The following BLTP3A variants were observed in gnomAD, a reference collection of about 807,000 sequenced individuals.
The protein encoded by BLTP3A is ICBP90 binding protein 1.
chr6:34,854,031 G>A, the BLTP3A span, among the ~76,000 whole-genome samples: 7 of 152,146 alleles, frequency 4.6e-5, no homozygotes, highest in Middle Eastern at 0.01. Context: ...AGACTAGCCC[G>A]ACCAACATGG....
chr6:34,843,971 ATTTTGT>A, the BLTP3A span, among the ~76,000 whole-genome samples: 6 of 151,716 alleles, frequency 4.0e-5, no homozygotes, highest in African/African-American at 4.8e-5. Context: ...TTGTAGTTTT[ATTTTGT>A]TTTTGTTTTT....
the BLTP3A span, chr6:34,835,345 CT>C: frequency 6.2e-7 from 1 of 1,614,176 alleles, no homozygotes; most frequent in Admixed American, 1.7e-5. Context: ...GTTGGATGAC[CT>C]GCTCTGGGTG....
the BLTP3A span, among the ~76,000 whole-genome samples, chr6:34,800,096 G>T: frequency 6.6e-6 from 1 of 151,842 alleles, no homozygotes; most frequent in East Asian, 1.9e-4. Context: ...TCATATCAAG[G>T]CATACCTCAA....
the BLTP3A span, among the ~76,000 whole-genome samples, chr6:34,825,371 G>T: frequency 5.3e-5 from 8 of 151,510 alleles, no homozygotes; most frequent in African/African-American, 1.9e-4. Context: ...GCAATGGCAT[G>T]ATCTCCGTTC....
chr6:34,800,820 C>T, the BLTP3A span, among the ~76,000 whole-genome samples: 32 of 139,896 alleles, frequency 2.3e-4, 1 homozygote, highest in East Asian at 4.1e-3. Flanking sequence ...CTCCGCCTCC[C>T]AGGTGCAAGC....
At chr6:34,845,987 A>G in the BLTP3A span, among the ~76,000 whole-genome samples, 1 of 151,076 alleles carries the variant, frequency 6.6e-6, no homozygotes, top group African/African-American at 2.4e-5. Context: ...TTGAATCTGT[A>G]GGTTGCTGGG....
At chr6:34,849,732 T>C in the BLTP3A span, among the ~76,000 whole-genome samples, 1 of 152,342 alleles carries the variant, frequency 6.6e-6, no homozygotes, top group African/African-American at 2.4e-5. Flanking sequence ...AAGAACTCCC[T>C]TTAGCATTTC....
the BLTP3A span, among the ~76,000 whole-genome samples, chr6:34,792,725 G>C: frequency 6.6e-6 from 1 of 152,084 alleles, no homozygotes; most frequent in Non-Finnish European, 1.5e-5. Flanking sequence ...TCTGGCCTTC[G>C]GGCCCCTGCC....
chr6:34,867,569 A>G, the BLTP3A span: 4 of 1,613,762 alleles, frequency 2.5e-6, no homozygotes, highest in Admixed American at 1.7e-5. Context: ...ACCCTCCAGC[A>G]GCTGGGCACC....
At chr6:34,807,672 T>A in the BLTP3A span, among the ~76,000 whole-genome samples, 1 of 152,226 alleles carries the variant, frequency 6.6e-6, no homozygotes, top group Non-Finnish European at 1.5e-5. Flanking sequence ...GGGAAATGTA[T>A]GCAGTGAGTT....
the BLTP3A span, among the ~76,000 whole-genome samples, chr6:34,869,174 G>A: frequency 2.6e-5 from 4 of 151,858 alleles, no homozygotes; most frequent in Non-Finnish European, 5.9e-5. Flanking sequence ...GCTTATTTTT[G>A]TATTTTTAGT....
the BLTP3A span, among the ~76,000 whole-genome samples, chr6:34,799,235 C>T: frequency 6.6e-6 from 1 of 152,308 alleles, no homozygotes; most frequent in Admixed American, 6.5e-5. Flanking sequence ...AGCCACCATA[C>T]CTGGCCTAGG....
chr6:34,792,129 C>CGGCGGCGGCGGCGGCGGT, the BLTP3A span: 1 of 796,506 alleles, frequency 1.3e-6, no homozygotes, highest in Non-Finnish European at 1.8e-6. Flanking sequence ...AGCGCCATGG[C>CGGCGGCGGCGGCGGCGGT]GGCGGCGGCG....
the BLTP3A span, chr6:34,858,195 A>C: frequency 1.9e-6 from 3 of 1,614,050 alleles, no homozygotes; most frequent in African/African-American, 2.7e-5. Context: ...TCTCTGCGTC[A>C]GGCATGATTG....
the BLTP3A span, among the ~76,000 whole-genome samples, chr6:34,802,806 T>C: frequency 6.6e-6 from 1 of 152,218 alleles, no homozygotes; most frequent in African/African-American, 2.4e-5. Context: ...TCCTTTTATA[T>C]TATACTTTGG....
the BLTP3A span, among the ~76,000 whole-genome samples, chr6:34,807,685 A>G: frequency 6.6e-6 from 1 of 152,210 alleles, no homozygotes. Flanking sequence ...AGTGAGTTAG[A>G]TTTGTTGACA....
the BLTP3A span, among the ~76,000 whole-genome samples, chr6:34,806,853 T>C: frequency 6.6e-6 from 1 of 152,166 alleles, no homozygotes; most frequent in African/African-American, 2.4e-5. Context: ...AGAGACAGGG[T>C]TTCACCTTGT....
At chr6:34,859,624 A>G in the BLTP3A span, 9 of 1,594,084 alleles carry the variant, frequency 5.6e-6, no homozygotes, top group African/African-American at 6.7e-5. Context: ...CCTAGTTCTG[A>G]TCATTGGGTT....
At chr6:34,869,241 A>T in the BLTP3A span, among the ~76,000 whole-genome samples, 2 of 152,094 alleles carry the variant, frequency 1.3e-5, no homozygotes, top group African/African-American at 4.8e-5. Flanking sequence ...GCCTCAAGCG[A>T]TCTGTCCATG....
Sources: allele counts gnomAD v4.1 joint callset (sites outside exome capture counted in the v4.1 genomes callset), GRCh38; gene constraint gnomAD v4.1.1; transcripts MANE v1.5; gene names NCBI Gene and HGNC (gene_info 2026-07-23, HGNC 2026-07-21).